Variants in ANK3 observed in about 807,000 individuals in gnomAD.
The protein encoded by ANK3 is ankyrin-3.
Under a neutral mutation model 370.9 loss-of-function variants are expected in ANK3, and 57 were observed. That is an observed-to-expected ratio of 0.15 (90% CI 0.12 to 0.19). The LOEUF (loss-of-function observed/expected upper bound fraction) is 0.19. Ranked by LOEUF, ANK3 falls within the 10% of genes least tolerant of loss-of-function variation. The pLI, the probability that ANK3 is intolerant of heterozygous loss-of-function variation, is 1.00. For synonymous variants in ANK3, 1,929 were observed against 1,946.3 expected (o/e 0.99, Z 0.23); for missense variants, 4,439 against 5,302.1 (o/e 0.84, Z 5.06).
At position 60,072,125 on chromosome 10, in the gene ANK3, A is replaced by G. The variant is rs1202560407; in HGVS notation, c.8756T>C (p.Met2919Thr). 4 of 1,613,878 alleles carry G rather than the reference A, an allele frequency of 2.5e-6. No homozygotes were observed. Among genetic ancestry groups the G allele is most frequent in the Non-Finnish European group, 1.7e-6 (2 of 1,179,992 alleles). The change falls in exon 37 of 44, where the codon ATG (methionine) becomes ACG (threonine). Residue 2919 changes from methionine to threonine, a missense_variant. Met to Thr is a moderately conservative substitution (Grantham distance 81). Coordinates refer to ENST00000280772, the MANE Select transcript of ANK3 (RefSeq NM_020987.5). Reference sequence around the variant, plus strand: ...TTTTTTGGAGGGAGATTTTACAGTCATTTCTTTAATTTCTGAGAGAGAGCC... The same window carrying G: ...TTTTTTGGAGGGAGATTTTACAGTCGTTTCTTTAATTTCTGAGAGAGAGCC... ...TNGSLSEIKE[M>T]TVKSPSKKVL...
intron 2 of ANK3, among the ~76,000 whole-genome samples, chr10:60,500,237 A>C (rs1053063316): frequency 6.6e-6 from 1 of 152,152 alleles, no homozygotes; most frequent in African/African-American, 2.4e-5. Context: ...AATCGGCCTT[A>C]CTAACTAAAT....
chr10:60,423,331 T>C (rs959083669), intron 2 of ANK3, among the ~76,000 whole-genome samples: 2 of 151,854 alleles, frequency 1.3e-5, no homozygotes, highest in African/African-American at 4.8e-5. Flanking sequence ...AAGAAAACAA[T>C]ATCCATAGCT....
chr10:60,541,706 A>G (rs540867851), intron 2 of ANK3, among the ~76,000 whole-genome samples: 1 of 152,044 alleles, frequency 6.6e-6, no homozygotes, highest in Admixed American at 6.6e-5. Flanking sequence ...AAGTCTCACT[A>G]CTTACTAGGC....
intron 1 of ANK3, among the ~76,000 whole-genome samples, chr10:60,283,627 T>C (rs952559441): frequency 3.3e-5 from 5 of 152,194 alleles, no homozygotes; most frequent in Admixed American, 6.5e-5. Flanking sequence ...TACTTAGTCA[T>C]TTTACTAGAA....
chr10:60,465,776 C>CT (rs1002378251), intron 2 of ANK3, among the ~76,000 whole-genome samples: 1 of 132,884 alleles, frequency 7.5e-6, no homozygotes, highest in African/African-American at 2.8e-5. Flanking sequence ...TTTTCTTTTT[C>CT]TTTTTTTTCT....
In ANK3 at chr10:60,583,646, C is replaced by T. The variant is rs576267102; in HGVS notation, c.96+31540G>A. Among the ~76,000 whole-genome samples the T allele has an allele frequency of 1.3e-4, 20 of 151,566 alleles. No individual in the cohort carries two copies. In the South Asian group the frequency reaches 1.7e-3, roughly 13 times the overall value. ...TTCTGTCACCCAGGTTGCAGTGGCACGATCTTGGCTCACTGCAACCTCCGC... is the reference window on the plus strand; with the variant it reads ...TTCTGTCACCCAGGTTGCAGTGGCATGATCTTGGCTCACTGCAACCTCCGC... On this transcript the variant is annotated intron_variant, in intron 2 of 43. Transcript: ENST00000373827.
chr10:60,426,614 A>T (rs949443750), intron 2 of ANK3, among the ~76,000 whole-genome samples: 3 of 152,106 alleles, frequency 2.0e-5, no homozygotes, highest in Non-Finnish European at 2.9e-5. Flanking sequence ...GGGATGTTGA[A>T]GATAAATGTG....
intron 15 of ANK3, 117 bp downstream of exon 15, chr10:60,196,410 A>C: frequency 1.1e-6 from 1 of 916,420 alleles, no homozygotes; most frequent in Non-Finnish European, 1.7e-6. Context: ...AGTGCTCTTC[A>C]TCCTAGTGGG....
At chr10:60,302,300 G>A (rs559549517) in intron 1 of ANK3, among the ~76,000 whole-genome samples, 39 of 152,190 alleles carry the variant, frequency 2.6e-4, no homozygotes, top group Non-Finnish European at 4.3e-4. Context: ...TCACAATAAT[G>A]TAGATGGGGA....
At chr10:60,576,394 C>G (rs1316042720) in intron 2 of ANK3, among the ~76,000 whole-genome samples, 1 of 152,118 alleles carries the variant, frequency 6.6e-6, no homozygotes, top group Non-Finnish European at 1.5e-5. Context: ...AAGTAGCTTG[C>G]CATAGGAGAA....
intron 2 of ANK3, among the ~76,000 whole-genome samples, chr10:60,408,381 C>G (rs1050369423): frequency 1.3e-5 from 2 of 152,120 alleles, no homozygotes; most frequent in Non-Finnish European, 2.9e-5. Flanking sequence ...TGAGTGCATT[C>G]TCATGAGATC....
intron 1 of ANK3, among the ~76,000 whole-genome samples, chr10:60,298,733 C>T (rs1440121979): frequency 2.0e-5 from 3 of 152,144 alleles, no homozygotes; most frequent in Admixed American, 2.0e-4. Flanking sequence ...AGATGGTCTA[C>T]TTTTATTTAG....
chr10:60,578,909 A>G (rs1275288982), intron 2 of ANK3, among the ~76,000 whole-genome samples: 1 of 152,240 alleles, frequency 6.6e-6, no homozygotes, highest in Non-Finnish European at 1.5e-5. Flanking sequence ...GCCTAAGACC[A>G]ACATGATATA....
intron 1 of ANK3, among the ~76,000 whole-genome samples, chr10:60,347,161 A>G (rs1446141812): frequency 2.0e-5 from 3 of 151,456 alleles, no homozygotes; most frequent in East Asian, 3.9e-4. Context: ...GTGTTCAAAA[A>G]TGTCATGGTC....
In ANK3 at chr10:60,281,308, G is replaced by T. The variant is rs369322614; in HGVS notation, c.115-1669C>A. Among the ~76,000 whole-genome samples, 14 of 152,282 alleles carry T rather than the reference G, an allele frequency of 9.2e-5. 1 individual carries two copies. The East Asian group carries it at 2.1e-3, about 23-fold the overall frequency. On this transcript the variant is annotated intron_variant, in intron 1 of 43. Coordinates refer to ENST00000280772, the MANE Select transcript of ANK3 (RefSeq NM_020987.5). ...ATTCTTTGCTGTAGGGGACTGTCCT[G>T]CTCATTGTCCAATGTTTACAAGCAT... is the stretch of plus-strand genomic sequence containing the variant.
intron 7 of ANK3, among the ~76,000 whole-genome samples, chr10:60,236,959 T>A (rs947752544): frequency 1.3e-5 from 2 of 152,238 alleles, no homozygotes; most frequent in African/African-American, 4.8e-5. Context: ...GCGGTTGTGT[T>A]TCTAAAACTT....
chr10:60,349,778 A>C (rs565808443), intron 1 of ANK3, among the ~76,000 whole-genome samples: 1 of 152,324 alleles, frequency 6.6e-6, no homozygotes, highest in South Asian at 2.1e-4. Context: ...TCTCCCTTCT[A>C]ATAGGCACAA....
intron 23 of ANK3, among the ~76,000 whole-genome samples, chr10:60,144,731 G>A (rs1368360770): frequency 6.6e-6 from 1 of 152,136 alleles, no homozygotes; most frequent in Non-Finnish European, 1.5e-5. Context: ...GAGAAAGAGA[G>A]TATATTAAAT....
At chr10:60,063,636 C>T (rs2081048056) in intron 39 of ANK3, among the ~76,000 whole-genome samples, 3 of 152,154 alleles carry the variant, frequency 2.0e-5, no homozygotes. Flanking sequence ...CAGGCAAACC[C>T]ATAATAATTT....
Sources: allele counts gnomAD v4.1 joint callset (sites outside exome capture counted in the v4.1 genomes callset), GRCh38; gene constraint gnomAD v4.1.1; transcripts MANE v1.5; gene names NCBI Gene and HGNC (gene_info 2026-07-23, HGNC 2026-07-21).